The following GABRB1 variants were observed in gnomAD, a reference collection of about 807,000 sequenced individuals.
GABRB1 encodes gamma-aminobutyric acid type A receptor subunit beta1.
In GABRB1, 17 loss-of-function variants were observed where a neutral mutation model predicts 51.6. The observed-to-expected ratio is 0.33, with a 90% CI of 0.23 to 0.49. The LOEUF is 0.49. Among genes scored for constraint, GABRB1 ranks in the 20% least tolerant of loss-of-function variants. GABRB1 has a pLI of 0.99. For synonymous variants in GABRB1, 247 were observed against 218.9 expected, an observed-to-expected ratio of 1.13 and a Z score of -1.14; for missense variants, 410 against 600.6, an observed-to-expected ratio of 0.68 and a Z score of 3.32.
chr4:47,042,521 A>T (rs1560508104), intron 3 of GABRB1, among the ~76,000 whole-genome samples: 1 of 149,186 alleles, frequency 6.7e-6, no homozygotes, highest in Non-Finnish European at 1.5e-5. Flanking sequence ...AAAAATAATC[A>T]CTACTTTTCA....
At chr4:47,398,301 A>G (rs972326430) in intron 5 of GABRB1, among the ~76,000 whole-genome samples, 2 of 152,228 alleles carry the variant, frequency 1.3e-5, no homozygotes, top group Non-Finnish European at 2.9e-5. Context: ...TTTACTGAAT[A>G]TACAATTGCA....
At chr4:47,407,270 T>G (rs575419557) in intron 8 of GABRB1, among the ~76,000 whole-genome samples, 1 of 152,368 alleles carries the variant, frequency 6.6e-6, no homozygotes, top group South Asian at 2.1e-4. Context: ...TGAGGCACAG[T>G]GGTTATAACC....
chr4:47,083,238 A>G (rs564896676), intron 3 of GABRB1, among the ~76,000 whole-genome samples: 3 of 152,130 alleles, frequency 2.0e-5, no homozygotes, highest in Admixed American at 1.3e-4. Context: ...AAGCCTTGAT[A>G]ATGTCCTCCA....
intron 3 of GABRB1, among the ~76,000 whole-genome samples, chr4:47,045,282 A>G (rs1726032516): frequency 6.6e-6 from 1 of 152,092 alleles, no homozygotes; most frequent in Admixed American, 6.6e-5. Context: ...ATGCCACTCA[A>G]AGCCTGAATT....
At chr4:47,119,178 C>T (rs923857586) in intron 3 of GABRB1, among the ~76,000 whole-genome samples, 1 of 152,054 alleles carries the variant, frequency 6.6e-6, no homozygotes, top group African/African-American at 2.4e-5. Flanking sequence ...AATTACAAAT[C>T]AGAAGGGGAA....
intron 4 of GABRB1, among the ~76,000 whole-genome samples, chr4:47,301,876 T>C (rs903182615): frequency 1.3e-5 from 2 of 152,206 alleles, no homozygotes; most frequent in Admixed American, 6.5e-5. Flanking sequence ...TTTTCTATCA[T>C]TTTTAAATAA....
At chr4:47,367,151 C>G (rs1336918883) in intron 5 of GABRB1, among the ~76,000 whole-genome samples, 1 of 152,174 alleles carries the variant, frequency 6.6e-6, no homozygotes, top group Non-Finnish European at 1.5e-5. Flanking sequence ...ATGTCATGTG[C>G]TAAATAATTA....
intron 3 of GABRB1, among the ~76,000 whole-genome samples, chr4:47,040,264 G>A (rs1725781548): frequency 6.6e-6 from 1 of 152,172 alleles, no homozygotes; most frequent in Non-Finnish European, 1.5e-5. Context: ...TTGTATTTTA[G>A]GTTCTTGCAG....
chr4:47,062,322 CA>C (rs1726876608), intron 3 of GABRB1, among the ~76,000 whole-genome samples: 1 of 147,198 alleles, frequency 6.8e-6, no homozygotes, highest in African/African-American at 2.5e-5. Flanking sequence ...TTTTGACAAG[CA>C]AGAGATTTGT....
At chr4:47,082,182 C>T (rs1727878508) in intron 3 of GABRB1, among the ~76,000 whole-genome samples, 1 of 152,112 alleles carries the variant, frequency 6.6e-6, no homozygotes, top group Middle Eastern at 3.4e-3. Flanking sequence ...CTATTATTTA[C>T]ATGATACTTT....
At chr4:47,028,169 T>C (rs1415691253), upstream of GABRB1, among the ~76,000 whole-genome samples, 1 of 151,746 alleles carries the variant, frequency 6.6e-6, no homozygotes, top group Non-Finnish European at 1.5e-5. Flanking sequence ...TTTTTTTAAA[T>C]ATTTTCTATT....
intron 4 of GABRB1, among the ~76,000 whole-genome samples, chr4:47,183,224 G>A (rs974323545): frequency 1.3e-5 from 2 of 151,172 alleles, no homozygotes; most frequent in African/African-American, 2.4e-5. Flanking sequence ...GGTATCTGAG[G>A]TGGTGAGAGA....
rs990151057 is a variant in GABRB1 at position 47,408,748 on chromosome 4, T to C, written c.1080+1822T>C. ...AACCATACCAGCTTTAAAAGTACTT[T>C]GGGAGGCCACCTCTTTTCTATTCCC... is the stretch of plus-strand genomic sequence containing the variant. On this transcript the variant is annotated intron_variant, in intron 8 of 8. Coordinates refer to ENST00000295454, the MANE Select transcript of GABRB1 (RefSeq NM_000812.4). Among the ~76,000 whole-genome samples the C allele has an allele frequency of 3.3e-5, 5 of 152,200 alleles. No homozygotes were observed. The East Asian group carries it at 9.6e-4, about 29-fold the overall frequency.
At chr4:47,362,492 T>C (rs1414954091) in intron 5 of GABRB1, among the ~76,000 whole-genome samples, 1 of 152,216 alleles carries the variant, frequency 6.6e-6, no homozygotes, top group Non-Finnish European at 1.5e-5. Context: ...CATCAAGTTA[T>C]AAAATTCGAG....
chr4:47,271,022 C>T (rs1424223332), intron 4 of GABRB1, among the ~76,000 whole-genome samples: 4 of 152,124 alleles, frequency 2.6e-5, no homozygotes, highest in Non-Finnish European at 2.9e-5. Flanking sequence ...GTTGTTTCTT[C>T]TCTCCTTTTA....
chr4:47,316,764 G>C (rs528789728), intron 4 of GABRB1, among the ~76,000 whole-genome samples: 1 of 151,996 alleles, frequency 6.6e-6, no homozygotes, highest in Non-Finnish European at 1.5e-5. Context: ...TGTTGTTCCT[G>C]TTTTCCCAAT....
intron 3 of GABRB1, chr4:47,043,308 A>G (rs1413214101): frequency 3.3e-5 from 5 of 152,020 alleles, no homozygotes; most frequent in African/African-American, 4.8e-5. Context: ...GGAAAAATGG[A>G]TTCAGTCCTT....
At chr4:47,013,802 G>A (rs184952936) in intron 1 of GABRB1, among the ~76,000 whole-genome samples, 15 of 152,200 alleles carry the variant, frequency 9.9e-5, no homozygotes, top group Admixed American at 9.8e-4. Context: ...TTCCAATAGT[G>A]TCTTGGAGTG....
chr4:47,023,416 CT>C (rs1169439745), intron 1 of GABRB1, among the ~76,000 whole-genome samples: 1 of 151,810 alleles, frequency 6.6e-6, no homozygotes, highest in African/African-American at 2.4e-5. Context: ...AAAGTTTTAT[CT>C]TTCTATTTTT....
Sources: gnomAD v4.1 joint callset for allele counts (sites outside exome capture counted in the v4.1 genomes callset) on GRCh38, gnomAD v4.1.1 for gene constraint, MANE v1.5 for transcripts, NCBI Gene and HGNC (gene_info 2026-07-23, HGNC 2026-07-21) for gene names.